The following ITPKB variants were observed in gnomAD, a reference collection of about 807,000 sequenced individuals.
The protein encoded by ITPKB is IP3 3-kinase B.
ITPKB carries 13 observed loss-of-function variants against 69.4 expected under a neutral mutation model. The observed-to-expected ratio is 0.19, with a 90% CI of 0.12 to 0.30. The LOEUF (loss-of-function observed/expected upper bound fraction) is 0.30. Ranked by LOEUF, ITPKB falls within the 10% of genes least tolerant of loss-of-function variation. The pLI, the probability that ITPKB is intolerant of heterozygous loss-of-function variation, is 1.00. For synonymous variants in ITPKB, 584 were observed against 513.7 expected (o/e 1.14, Z -1.85); for missense variants, 1,240 against 1,250.5 (o/e 0.99, Z 0.13).
rs112742624 is a variant in ITPKB, at chr1:226,634,807, G to A, written c.2705C>T (p.Thr902Met). The A allele has an allele frequency of 1.2e-5, 19 of 1,610,338 alleles. No individual in the cohort carries two copies. The highest frequency in any genetic ancestry group is 1.4e-5 in the Non-Finnish European group (17 of 1,176,666). Residue 902 changes from threonine to methionine, a missense_variant, in exon 8 of 8, where the codon ACG (threonine) becomes ATG (methionine). By Grantham distance (81) the Thr-to-Met change is moderately conservative. This residue lies in a region of ITPKB where 248 missense variants were observed against 396.7 expected (regional missense o/e 0.63). Coordinates refer to ENST00000429204, the MANE Select transcript of ITPKB (RefSeq NM_002221.4). The surrounding 1 kb of genome is among the most constrained non-coding windows in gnomAD (Gnocchi z 6.3). ...CAGGGTCTGGCCCTCAGGCAGGGGCGTGGTTTTCCCAAAGTCGATCATCCA... is the reference window on the plus strand; with the variant it reads ...CAGGGTCTGGCCCTCAGGCAGGGGCATGGTTTTCCCAAAGTCGATCATCCA... ...KVWMIDFGKT[T>M]PLPEGQTLQH...
At chr1:226,724,835 C>T (rs708771) in intron 2 of ITPKB, among the ~76,000 whole-genome samples, 146,369 of 152,322 alleles carry the variant, frequency 0.96, 70,357 homozygotes, top group East Asian at 1. Context: ...GGCTCTGCAC[C>T]GTGCAACTGC....
At chr1:226,648,584 G>A (rs1386718361) in intron 3 of ITPKB, 88 bp downstream of exon 3, 1 of 827,368 alleles carries the variant, frequency 1.2e-6, no homozygotes, top group East Asian at 2.4e-5. Flanking sequence ...ACTTGCTCTG[G>A]AGCTTTGATC....
At chr1:226,660,608 A>G (rs1027087056) in intron 2 of ITPKB, among the ~76,000 whole-genome samples, 2 of 152,334 alleles carry the variant, frequency 1.3e-5, no homozygotes, top group African/African-American at 2.4e-5. Flanking sequence ...AGAGAGGAAG[A>G]AGGCACAGGA....
Position 226,734,043 on chromosome 1 carries a change from A to C in ITPKB, c.1932+1484T>G, listed in dbSNP as rs531502761. ...TGGGACGGGGGACCATCTCTTATTCAGTAGACCTCTAACTGCTGGGCAGAA... is the reference window on the plus strand; with the variant it reads ...TGGGACGGGGGACCATCTCTTATTCCGTAGACCTCTAACTGCTGGGCAGAA... On this transcript the variant is annotated intron_variant, in intron 2 of 7. Transcript: ENST00000429204. 3.9e-5 allele frequency among the ~76,000 whole-genome samples: 6 copies of C among 152,370 alleles called. No homozygotes were observed. In the South Asian group the frequency reaches 1.2e-3, roughly 32 times the overall value.
At chr1:226,680,158 C>T (rs1417776488) in intron 2 of ITPKB, among the ~76,000 whole-genome samples, 1 of 152,208 alleles carries the variant, frequency 6.6e-6, no homozygotes, top group Non-Finnish European at 1.5e-5. Context: ...ACCCTGAAAG[C>T]CCAGAACTGA....
chr1:226,637,494 G>A lies in ITPKB; in HGVS notation c.2625+185C>T, dbSNP rs1010180461. Reference sequence around the variant, plus strand: ...CCAGGGGTCTCAGGCAGGACAGCCCGTGTGGTCACCCCAGGAAGCATTGAG... The same window carrying A: ...CCAGGGGTCTCAGGCAGGACAGCCCATGTGGTCACCCCAGGAAGCATTGAG... On this transcript the variant is annotated intron_variant, in intron 7 of 7. Coordinates refer to ENST00000429204, the MANE Select transcript of ITPKB (RefSeq NM_002221.4). This position sits in a 1 kb window ranked among gnomAD's most constrained non-coding sequence, Gnocchi z 4.3. Among the ~76,000 whole-genome samples the A allele has an allele frequency of 2.0e-5, 3 of 152,212 alleles. No homozygotes were observed. The highest frequency in any genetic ancestry group is 4.8e-5 in the African/African-American group (2 of 41,454).
chr1:226,716,667 G>A (rs1434968621), intron 2 of ITPKB, among the ~76,000 whole-genome samples: 5 of 152,102 alleles, frequency 3.3e-5, no homozygotes, highest in Admixed American at 3.3e-4. Context: ...TTTTCAAAAC[G>A]TACCAAAACG....
chr1:226,664,039 TTCTA>T (rs1342272666), intron 2 of ITPKB, among the ~76,000 whole-genome samples: 2 of 152,200 alleles, frequency 1.3e-5, no homozygotes, highest in East Asian at 3.8e-4. Context: ...TGGTCCAGTT[TTCTA>T]TCTAAGAGAT....
chr1:226,642,197 G>A lies in ITPKB; in HGVS notation c.2247-72C>T, dbSNP rs1668976785. ...CTCACCAGCAGCTCCTTTCCTGCCTGGTGGATGAAGGTTTGGGGCGTGTGT... is the reference window on the plus strand; with the variant it reads ...CTCACCAGCAGCTCCTTTCCTGCCTAGTGGATGAAGGTTTGGGGCGTGTGT... On this transcript the variant is annotated intron_variant, in intron 4 of 7. Coordinates refer to ENST00000429204, the MANE Select transcript of ITPKB (RefSeq NM_002221.4). This position sits in a 1 kb window ranked among gnomAD's most constrained non-coding sequence, Gnocchi z 6.4. 1 of 1,266,068 alleles carries A rather than the reference G, an allele frequency of 7.9e-7. No homozygotes were observed. Among genetic ancestry groups the A allele is most frequent in the East Asian group, 2.3e-5 (1 of 43,086 alleles). 78.4% of individuals were successfully genotyped at this position (1,266,068 alleles called of 1,614,324 possible). A position where few individuals can be genotyped will look rare whatever the true frequency, so the allele number is the denominator to read the frequency against.
At position 226,670,199 on chromosome 1, in the gene ITPKB, A is replaced by G. The variant is rs868122841; in HGVS notation, c.1933-21428T>C. 4.1e-3 allele frequency among the ~76,000 whole-genome samples: 619 copies of G among 150,452 alleles called. 6 individuals are homozygous for G. Among genetic ancestry groups the G allele is most frequent in the African/African-American group, 0.014 (576 of 40,422 alleles). ...GCAAAAAAAAAAAAAAAAAAAAAAA[A>G]AAAAATTTCAATAGTGAATCCTAGT... is the stretch of plus-strand genomic sequence containing the variant. On this transcript the variant is annotated intron_variant, in intron 2 of 7. Coordinates refer to ENST00000429204, the MANE Select transcript of ITPKB (RefSeq NM_002221.4).
In ITPKB at chr1:226,639,620, G is replaced by C; in HGVS notation, c.2490C>G (p.Thr830=). 1 of 1,613,928 alleles carries C rather than the reference G, an allele frequency of 6.2e-7. No homozygotes were observed. Among genetic ancestry groups the C allele is most frequent in the Non-Finnish European group, 8.5e-7 (1 of 1,179,834 alleles). The change falls in exon 6 of 8, where the codon ACC becomes ACG. Residue 830 remains threonine, a synonymous_variant. Coordinates refer to ENST00000429204, the MANE Select transcript of ITPKB (RefSeq NM_002221.4). ...DGTVNRDFKK[T]KTREQVTEAF... ...CCTCGGTGACCTGCTCCCTCGTTTT[G>C]GTCTTCTTGAAGTCCCGGTTCACGG...
At chr1:226,701,228 C>T (rs564578574) in intron 2 of ITPKB, among the ~76,000 whole-genome samples, 88 of 152,332 alleles carry the variant, frequency 5.8e-4, no homozygotes, top group African/African-American at 1.9e-3. Context: ...ATCATTTCAA[C>T]AGAACAGAAA....
chr1:226,683,193 G>A (rs1484132877), intron 2 of ITPKB, among the ~76,000 whole-genome samples: 2 of 152,190 alleles, frequency 1.3e-5, no homozygotes, highest in Admixed American at 1.3e-4. Context: ...AGGCAGAGAG[G>A]GCTGGGGAAT....
intron 2 of ITPKB, among the ~76,000 whole-genome samples, chr1:226,656,067 G>T (rs1234206387): frequency 1.3e-5 from 2 of 152,230 alleles, no homozygotes; most frequent in African/African-American, 4.8e-5. Flanking sequence ...GAATGACTGA[G>T]GATGCTCAGG....
rs1288131742 is a variant in ITPKB, at chr1:226,633,194, T to A, written c.*1477A>T. The stretch of plus-strand genomic sequence containing the variant: ...CACACTTCCAGCACAAAAGGGGAAA[T>A]GTACATGTCCCGTGGGCAGGTTGAC... On this transcript the variant is annotated 3_prime_UTR_variant, in exon 8 of 8. Coordinates refer to ENST00000429204, the MANE Select transcript of ITPKB (RefSeq NM_002221.4). 6.6e-6 allele frequency: 1 copy of A among 152,162 alleles called. No individual in the cohort carries two copies. The highest frequency in any genetic ancestry group is 2.4e-5 in the African/African-American group (1 of 41,426). The allele number at this position is 152,162 out of a possible 1,614,324, so 9.4% of individuals were successfully genotyped here. A position where few individuals can be genotyped will look rare whatever the true frequency, so the allele number is the denominator to read the frequency against.
At position 226,736,098 on chromosome 1, in the gene ITPKB, C is replaced by G. The variant is rs373903959; in HGVS notation, c.1361G>C (p.Gly454Ala). The change falls in exon 2 of 8, where the codon GGG becomes GCG. Residue 454 changes from glycine to alanine, a missense_variant. Physicochemically the swap from Gly to Ala is moderately conservative, Grantham distance 60. This residue lies in a region of ITPKB where 992 missense variants were observed against 853.8 expected (regional missense o/e 1.16). Transcript: ENST00000429204. Reference sequence around the variant, plus strand: ...CCCCGGCTGTGCTGAGGGGCTGCCCCCAAGCAAGCCCAGCGTTGGGGACCC... The same window carrying G: ...CCCCGGCTGTGCTGAGGGGCTGCCCGCAAGCAAGCCCAGCGTTGGGGACCC... ...EGGSPTLGLL[G>A]GSPSAQPGTG... 2.5e-6 allele frequency: 4 copies of G among 1,606,830 alleles called. No individual in the cohort carries two copies. The African/African-American group carries it at 5.3e-5, about 21-fold the overall frequency.
intron 2 of ITPKB, among the ~76,000 whole-genome samples, chr1:226,711,439 G>GAGAGAGAGAGAGAGAGAGAGAA (rs2102637320): frequency 1.1e-5 from 1 of 88,752 alleles, no homozygotes; most frequent in East Asian, 2.8e-4. Flanking sequence ...GAGAGAGAGA[G>GAGAGAGAGAGAGAGAGAGAGAA]AGAGTGTGTG....
At chr1:226,681,332 C>T (rs1378891004) in intron 2 of ITPKB, among the ~76,000 whole-genome samples, 1 of 152,116 alleles carries the variant, frequency 6.6e-6, no homozygotes, top group Admixed American at 6.5e-5. Flanking sequence ...CCATTGCAGA[C>T]ACCTCCATCT....
intron 2 of ITPKB, among the ~76,000 whole-genome samples, chr1:226,680,812 G>A (rs1656069701): frequency 6.6e-6 from 1 of 152,102 alleles, no homozygotes; most frequent in Non-Finnish European, 1.5e-5. Context: ...AAGCCCATAG[G>A]GCACAGGAGA....
Sources: allele counts gnomAD v4.1 joint callset (sites outside exome capture counted in the v4.1 genomes callset), GRCh38; gene constraint gnomAD v4.1.1; regional missense constraint gnomAD v4.1.1; non-coding constraint Gnocchi (gnomAD v3.1); transcripts MANE v1.5; gene names NCBI Gene and HGNC (gene_info 2026-07-23, HGNC 2026-07-21).